DAW1: variants seen among roughly 807,000 people sequenced by gnomAD.
DAW1 encodes dynein assembly factor with WD repeats 1, also known as dynein assembly factor with WD repeat domains 1.
A neutral mutation model predicts 56.5 loss-of-function variants in DAW1; 47 were observed. The observed-to-expected ratio is 0.83, with a 90% CI of 0.66 to 1.06. The LOEUF is 1.06. DAW1 is among the 50% of genes least tolerant of loss of function. DAW1 has a pLI of 0.00. For missense variants in DAW1, 505 were observed against 499.3 expected (o/e 1.01, Z -0.11); for synonymous variants, 190 against 179.0 (o/e 1.06, Z -0.49).
At chr2:227,918,882 G>A (rs1692037420) in intron 11 of DAW1, 26 bp downstream of exon 11, 1 of 1,612,284 alleles carries the variant, frequency 6.2e-7, no homozygotes, top group Middle Eastern at 1.7e-4. Context: ...ATTTGGAGGA[G>A]TTTATTTACT....
chr2:227,914,884 A>G (rs1009522793), intron 10 of DAW1, among the ~76,000 whole-genome samples: 1 of 152,152 alleles, frequency 6.6e-6, no homozygotes, highest in Non-Finnish European at 1.5e-5. Flanking sequence ...ATAATCATAT[A>G]TAATTCTAGG....
intron 2 of DAW1, among the ~76,000 whole-genome samples, chr2:227,885,651 TA>T (rs11377802): frequency 6.6e-6 from 1 of 151,784 alleles, no homozygotes; most frequent in African/African-American, 2.4e-5. Flanking sequence ...TCTAAGGTCT[TA>T]AAAAAATAAA....
At chr2:227,894,543 T>C (rs1574656460) in intron 5 of DAW1, among the ~76,000 whole-genome samples, 1 of 152,204 alleles carries the variant, frequency 6.6e-6, no homozygotes, top group East Asian at 1.9e-4. Context: ...GCACTGCCTA[T>C]TGATGTTCAC....
Position 227,916,584 on chromosome 2 carries a change from G to A in DAW1, c.974-2196G>A, listed in dbSNP as rs1263556905. 5.9e-5 allele frequency among the ~76,000 whole-genome samples: 9 copies of A among 152,050 alleles called. 1 individual carries two copies. In the East Asian group the frequency reaches 1.7e-3, roughly 29 times the overall value. ...ACCTTGTAGAGTGCTTTACTATTTTGCATCATCTTCTAGAAAATTACATAT... is the reference window on the plus strand; with the variant it reads ...ACCTTGTAGAGTGCTTTACTATTTTACATCATCTTCTAGAAAATTACATAT... On this transcript the variant is annotated intron_variant, in intron 10 of 12. Transcript: ENST00000309931.
chr2:227,874,248 T>C (rs946932220), intron 1 of DAW1, among the ~76,000 whole-genome samples: 26 of 152,314 alleles, frequency 1.7e-4, no homozygotes, highest in African/African-American at 6.0e-4. Flanking sequence ...TTGGGCAATT[T>C]GTTTTATTCT....
intron 3 of DAW1, 87 bp from the exon 4 acceptor site, chr2:227,891,168 A>T: frequency 8.1e-7 from 1 of 1,238,032 alleles, no homozygotes; most frequent in Non-Finnish European, 1.2e-6. Context: ...AATTAAGAAA[A>T]AATTGAATGT....
chr2:227,882,277 T>C (rs185362060), intron 1 of DAW1, among the ~76,000 whole-genome samples: 104 of 152,340 alleles, frequency 6.8e-4, no homozygotes, highest in Non-Finnish European at 4.7e-4. Flanking sequence ...AACAATAAGA[T>C]GTTACTTCCT....
At chr2:227,910,927 CT>C (rs1377201781) in intron 10 of DAW1, among the ~76,000 whole-genome samples, 4 of 152,106 alleles carry the variant, frequency 2.6e-5, no homozygotes, top group Admixed American at 6.6e-5. Flanking sequence ...CACCCAGATA[CT>C]TTTTTTCTGC....
intron 3 of DAW1, 111 bp from the exon 4 acceptor site, chr2:227,891,144 T>C: frequency 1.1e-6 from 1 of 895,926 alleles, no homozygotes; most frequent in Non-Finnish European, 1.8e-6. Flanking sequence ...AGATATTGCC[T>C]GTTTCTGATG....
At chr2:227,899,536 T>C (rs1433917206) in intron 6 of DAW1, among the ~76,000 whole-genome samples, 1 of 152,256 alleles carries the variant, frequency 6.6e-6, no homozygotes, top group Non-Finnish European at 1.5e-5. Flanking sequence ...AGCTCAGTAC[T>C]TTTTGAATTG....
intron 4 of DAW1, 142 bp from the exon 5 acceptor site, chr2:227,893,653 C>G: frequency 7.8e-7 from 1 of 1,290,158 alleles, no homozygotes; most frequent in South Asian, 1.6e-5. Flanking sequence ...GCCTGAGTGA[C>G]AGAGCGAGAC....
chr2:227,889,253 A>G (rs1475369204), intron 2 of DAW1, among the ~76,000 whole-genome samples: 1 of 152,198 alleles, frequency 6.6e-6, no homozygotes, highest in Non-Finnish European at 1.5e-5. Context: ...AAGACCTGAA[A>G]CAGGGTTATT....
chr2:227,911,598 C>T (rs1018530961), intron 10 of DAW1, among the ~76,000 whole-genome samples: 2 of 151,954 alleles, frequency 1.3e-5, no homozygotes, highest in African/African-American at 4.8e-5. Flanking sequence ...TGTGCTATAC[C>T]TTATGGGTGA....
chr2:227,909,258 A>ATCTGTCTGTCTGTCTG (rs1217798776), intron 10 of DAW1, among the ~76,000 whole-genome samples: 4 of 137,356 alleles, frequency 2.9e-5, no homozygotes, highest in African/African-American at 1.0e-4. Flanking sequence ...CTATCTATCT[A>ATCTGTCTGTCTGTCTG]TCTATCTATC....
At chr2:227,890,327 G>A (rs1691232916) in intron 3 of DAW1, among the ~76,000 whole-genome samples, 1 of 152,036 alleles carries the variant, frequency 6.6e-6, no homozygotes, top group Admixed American at 6.6e-5. Flanking sequence ...AAGAAGTTGT[G>A]TTTTATGACA....
intron 10 of DAW1, among the ~76,000 whole-genome samples, chr2:227,918,163 TC>T (rs1211898077): frequency 1.1e-5 from 1 of 94,170 alleles, no homozygotes; most frequent in African/African-American, 3.6e-5. Flanking sequence ...CATCCATCCA[TC>T]CATCCATCAT....
chr2:227,924,251 A>G lies in DAW1; in HGVS notation c.*283A>G, dbSNP rs1692173685. The G allele has an allele frequency of 1.6e-5, 7 of 425,508 alleles. No homozygotes were observed. The highest frequency in any genetic ancestry group is 3.6e-5 in the East Asian group (1 of 27,448). The allele number at this position is 425,508 out of a possible 1,614,324, so 26.4% of individuals were successfully genotyped here. A position where few individuals can be genotyped will look rare whatever the true frequency, so the allele number is the denominator to read the frequency against. ...TTTTTTAAAAGCATTATGATACTGAAAAAGGAGACCAGAACAACTTAACAA... is the reference window on the plus strand; with the variant it reads ...TTTTTTAAAAGCATTATGATACTGAGAAAGGAGACCAGAACAACTTAACAA... On this transcript the variant is annotated 3_prime_UTR_variant, in exon 13 of 13. Transcript: ENST00000309931.
At chr2:227,907,397 C>T in intron 10 of DAW1, 145 bp downstream of exon 10, 1 of 630,018 alleles carries the variant, frequency 1.6e-6, no homozygotes, top group East Asian at 2.8e-5. Context: ...CCATGTATGG[C>T]ACAATAGTGT....
chr2:227,921,467 T>A lies in DAW1; in HGVS notation c.1119T>A (p.Asp373Glu). 1 of 1,614,062 alleles carries A rather than the reference T, an allele frequency of 6.2e-7. No individual in the cohort carries two copies. Among genetic ancestry groups the A allele is most frequent in the Non-Finnish European group, 8.5e-7 (1 of 1,180,004 alleles). ...GSSDKTARIW[D>E]AQTGQCLQVL... The stretch of plus-strand genomic sequence containing the variant: ...CTGACAAAACGGCTAGAATCTGGGA[T>A]GCTCAGACTGGCCAGTGCCTCCAGG... The change falls in exon 12 of 13, where the codon GAT becomes GAA. Residue 373 changes from aspartate (D) to glutamate (E), a missense_variant. Transcript: ENST00000309931.
Sources: allele counts gnomAD v4.1 joint callset (sites outside exome capture counted in the v4.1 genomes callset), GRCh38; gene constraint gnomAD v4.1.1; transcripts MANE v1.5; gene names NCBI Gene and HGNC (gene_info 2026-07-23, HGNC 2026-07-21).